RYR1: variants seen among roughly 807,000 people sequenced by gnomAD.
The protein encoded by RYR1 is ryanodine receptor 1, also known as central core disease of muscle.
Under a neutral mutation model 583.5 loss-of-function variants are expected in RYR1, and 342 were observed. The ratio of observed to expected loss-of-function variants is 0.59; its 90% CI spans 0.54 to 0.64. RYR1 has a LOEUF of 0.64. Ranked by LOEUF, RYR1 falls within the 30% of genes least tolerant of loss-of-function variation. RYR1 has a pLI of 0.00. For missense variants in RYR1, 6,032 were observed against 6,917.2 expected, an observed-to-expected ratio of 0.87 and a Z score of 4.54; for synonymous variants, 2,791 against 2,822.5, an observed-to-expected ratio of 0.99 and a Z score of 0.35.
In RYR1 at chr19:38,452,952, C is replaced by T; in HGVS notation, c.1378C>T (p.His460Tyr). The stretch of plus-strand genomic sequence containing the variant: ...CGAGCCTCCCTCCGAGGACTTGCAG[C>T]ACGAGGAGAAGCAGAGCAAGCTGCG... ...YFEPPSEDLQHEEKQSKLRSL... is the reference protein window; with the variant it reads ...YFEPPSEDLQYEEKQSKLRSL... The change falls in exon 13 of 106, where the codon CAC becomes TAC. Residue 460 changes from histidine to tyrosine, a missense_variant. By Grantham distance (83) the His-to-Tyr change is moderately conservative. Transcript: ENST00000359596. 1.2e-6 allele frequency: 2 copies of T among 1,614,010 alleles called. No homozygotes were observed. The highest frequency in any genetic ancestry group is 1.7e-6 in the Non-Finnish European group (2 of 1,179,896).
intron 73 of RYR1, 31 bp downstream of exon 73, chr19:38,527,815 G>A (rs1971538650): frequency 6.2e-7 from 1 of 1,612,666 alleles, no homozygotes; most frequent in African/African-American, 1.3e-5. Flanking sequence ...CTTTCTACTG[G>A]GTCTCTGGGC....
chr19:38,561,187 C>T lies in RYR1; in HGVS notation c.12357C>T (p.Asn4119=). The change falls in exon 90 of 106, where the codon AAC becomes AAT. Residue 4119 remains asparagine, a synonymous_variant. Transcript: ENST00000359596. The surrounding 1 kb of genome is among the most constrained non-coding windows in gnomAD (Gnocchi z 4.8). ...FLLSCSEADE[N]EMINCEEFAN... is the part of the protein sequence containing the mutation. ...TTTCGTGCTCCGAAGCGGATGAGAA[C>T]GAAATGATCAACTGCGAAGAGTTCG... 2 of 1,614,184 alleles carry T rather than the reference C, an allele frequency of 1.2e-6. No homozygotes were observed. Among genetic ancestry groups the T allele is most frequent in the Non-Finnish European group, 1.7e-6 (2 of 1,180,046 alleles).
At chr19:38,488,743 G>A (rs1012202564) in intron 34 of RYR1, among the ~76,000 whole-genome samples, 1 of 152,134 alleles carries the variant, frequency 6.6e-6, no homozygotes, top group African/African-American at 2.4e-5. Flanking sequence ...GGCCTCAAGT[G>A]ATCTGCCCGC....
In RYR1 at chr19:38,457,542, G is replaced by C. The variant is rs1169815000; in HGVS notation, c.1837G>C (p.Val613Leu). ...CCTGTGTGTGTGTAATGGTGTGGCT[G>C]TACGCTCCAACCAAGATCTTATTAC... Reference protein sequence around the residue: ...CSLCVCNGVAVRSNQDLITEN... With the variant: ...CSLCVCNGVALRSNQDLITEN... Residue 613 changes from valine (V) to leucine (L), a missense_variant, in exon 17 of 106, where the codon GTA becomes CTA. By Grantham distance (32) the Val-to-Leu change is conservative. Coordinates refer to ENST00000359596, the MANE Select transcript of RYR1 (RefSeq NM_000540.3). 3 of 1,613,986 alleles carry C rather than the reference G, an allele frequency of 1.9e-6. No homozygotes were observed. The highest frequency in any genetic ancestry group is 2.5e-6 in the Non-Finnish European group (3 of 1,180,028).
chr19:38,504,837 C>T lies in RYR1; in HGVS notation c.8157C>T (p.Tyr2719=), dbSNP rs747062698. 2 of 1,614,092 alleles carry T rather than the reference C, an allele frequency of 1.2e-6. No homozygotes were observed. Among genetic ancestry groups the T allele is most frequent in the Non-Finnish European group, 1.7e-6 (2 of 1,179,972 alleles). The change falls in exon 51 of 106, where the codon TAC becomes TAT. Residue 2719 remains tyrosine, a synonymous_variant. Transcript: ENST00000359596. ...ALPPDYVDAS[Y]SSKAEKKATV... ...CCCCCGACTATGTGGATGCCTCATA[C>T]TCATCTAAGGCAGAGAAAAAGGCCA...
rs369456396 is a variant in RYR1, at chr19:38,499,699, C to T, written c.7092C>T (p.Phe2364=). 2.0e-5 allele frequency: 32 copies of T among 1,600,884 alleles called. No homozygotes were observed. The highest frequency in any genetic ancestry group is 1.9e-4 in the African/African-American group (14 of 74,980). The change falls in exon 44 of 106, where the codon TTC becomes TTT. Residue 2364 remains phenylalanine (F), a synonymous_variant. Coordinates refer to ENST00000359596, the MANE Select transcript of RYR1 (RefSeq NM_000540.3). This position sits in a 1 kb window ranked among gnomAD's most constrained non-coding sequence, Gnocchi z 7.3. The part of the protein sequence containing the change: ...VRLLIRKPEC[F]GPALRGEGGS... ...TGCTCATCCGGAAGCCTGAGTGCTT[C>T]GGACCCGCCCTGCGGGGTGAGGGTG... is the stretch of plus-strand genomic sequence containing the variant.
At position 38,561,152 on chromosome 19, in the gene RYR1, C is replaced by G. The variant is rs774414325; in HGVS notation, c.12322C>G (p.Gln4108Glu). The change falls in exon 90 of 106, where the codon CAG becomes GAG. Residue 4108 changes from glutamine (Q) to glutamate (E), a missense_variant. This residue lies in a region of RYR1 where 753 missense variants were observed against 759.6 expected (regional missense o/e 0.99). Coordinates refer to ENST00000359596, the MANE Select transcript of RYR1 (RefSeq NM_000540.3). The surrounding 1 kb of genome is among the most constrained non-coding windows in gnomAD (Gnocchi z 4.8). ...GAAGCAGTTCAGCGGTCCAGAAATC[C>G]AGTTCCTGCTTTCGTGCTCCGAAGC... ...SQKQFSGPEI[Q>E]FLLSCSEADE... 14 of 1,614,036 alleles carry G rather than the reference C, an allele frequency of 8.7e-6. No homozygotes were observed. The Admixed American group carries it at 2.3e-4, about 27-fold the overall frequency.
chr19:38,448,033 C>A (rs2145358162), intron 9 of RYR1, among the ~76,000 whole-genome samples: 1 of 151,802 alleles, frequency 6.6e-6, no homozygotes, highest in East Asian at 1.9e-4. Flanking sequence ...GCTGTGAAGG[C>A]CTGAGAGAGG....
At chr19:38,577,002 C>T (rs981701957) in intron 97 of RYR1, among the ~76,000 whole-genome samples, 5 of 152,048 alleles carry the variant, frequency 3.3e-5, no homozygotes, top group Non-Finnish European at 5.9e-5. Context: ...TCTCCTGCCT[C>T]AGCCTCCCGA....
intron 58 of RYR1, 27 bp downstream of exon 58, chr19:38,507,854 C>G: frequency 1.4e-6 from 2 of 1,421,188 alleles, no homozygotes; most frequent in Non-Finnish European, 2.0e-6. Flanking sequence ...CCCGCTTATG[C>G]CCGCCCCACC....
intron 58 of RYR1, 125 bp from the exon 59 acceptor site, chr19:38,510,373 A>T: frequency 1.1e-6 from 1 of 918,762 alleles, no homozygotes; most frequent in Non-Finnish European, 1.8e-6. Context: ...GCCAACACAA[A>T]TGACTTCATA....
intron 99 of RYR1, among the ~76,000 whole-genome samples, chr19:38,579,734 C>T (rs909803739): frequency 1.3e-5 from 2 of 152,126 alleles, no homozygotes; most frequent in African/African-American, 2.4e-5. Context: ...CCACCACACC[C>T]GGCCCAGAAC....
chr19:38,444,560 C>T lies in RYR1; in HGVS notation c.538-24C>T. 1 of 1,606,858 alleles carries T rather than the reference C, an allele frequency of 6.2e-7. No homozygotes were observed. Reference sequence around the variant, plus strand: ...CGCCCACCCCTGCAATCGTCTCTGACTGCCGCATCCTGGTGGCCCCCAGCA... The same window carrying T: ...CGCCCACCCCTGCAATCGTCTCTGATTGCCGCATCCTGGTGGCCCCCAGCA... On this transcript the variant is annotated intron_variant, in intron 6 of 105. Transcript: ENST00000359596. The surrounding 1 kb of genome is among the most constrained non-coding windows in gnomAD (Gnocchi z 5.1).
chr19:38,446,890 A>G (rs752299092), intron 9 of RYR1, 122 bp downstream of exon 9: 42 of 751,546 alleles, frequency 5.6e-5, no homozygotes, highest in Non-Finnish European at 7.8e-5. Flanking sequence ...AGGGAAAATC[A>G]GAGCAGCCTG....
rs913561439 is a variant in RYR1, at chr19:38,460,196, TGACTCTA to T, written c.2361-174_2361-168del. ...TCTTAATTCCCTTATGATATTCCTT[TGACTCTA>T]GACTTTCTTTTATGACTTCTAAATG... On this transcript the variant is annotated intron_variant, in intron 19 of 105. Transcript: ENST00000359596. Among the ~76,000 whole-genome samples, 14 of 152,298 alleles carry T rather than the reference TGACTCTA, an allele frequency of 9.2e-5. 1 individual carries two copies. The highest frequency in any genetic ancestry group is 6.2e-4 in the South Asian group (3 of 4,828).
At position 38,517,818 on chromosome 19, in the gene RYR1, C is replaced by T. The variant is rs1971044830; in HGVS notation, c.10018+127C>T. The stretch of plus-strand genomic sequence containing the variant: ...GGAGTCAGAGTGTAGGTTTTTTCAG[C>T]ATCAAAAGACCAGGGGTCAGCTGGG... On this transcript the variant is annotated intron_variant, in intron 66 of 105. Coordinates refer to ENST00000359596, the MANE Select transcript of RYR1 (RefSeq NM_000540.3). 3.4e-6 allele frequency: 3 copies of T among 876,208 alleles called. No homozygotes were observed. The South Asian group carries it at 4.9e-5, about 14-fold the overall frequency. The allele number at this position is 876,208 out of a possible 1,614,324, so 54.3% of individuals were successfully genotyped here.
intron 22 of RYR1, 82 bp from the exon 23 acceptor site, chr19:38,464,557 T>C (rs1352010130): frequency 3.4e-6 from 4 of 1,190,620 alleles, no homozygotes; most frequent in Non-Finnish European, 4.9e-6. Context: ...TAGAGGGAGC[T>C]GGAGACCCTG....
chr19:38,501,051 T>A, intron 47 of RYR1, 61 bp downstream of exon 47: 2 of 1,543,870 alleles, frequency 1.3e-6, no homozygotes, highest in Non-Finnish European at 1.8e-6. Context: ...AGGAGATGGG[T>A]CACGGTAGAG....
At chr19:38,527,247 A>T (rs989396215) in intron 72 of RYR1, among the ~76,000 whole-genome samples, 195 bp downstream of exon 72, 1 of 152,228 alleles carries the variant, frequency 6.6e-6, no homozygotes, top group Non-Finnish European at 1.5e-5. Context: ...ACAATGGCTC[A>T]TGCCTGTAAT....
Sources: gnomAD v4.1 joint callset for allele counts (sites outside exome capture counted in the v4.1 genomes callset) on GRCh38, gnomAD v4.1.1 for gene constraint, gnomAD v4.1.1 regional missense constraint, Gnocchi (gnomAD v3.1) non-coding constraint, MANE v1.5 for transcripts, NCBI Gene and HGNC (gene_info 2026-07-23, HGNC 2026-07-21) for gene names.